KCNQ4: variants seen among roughly 807,000 people sequenced by gnomAD.
KCNQ4 encodes the protein potassium voltage-gated channel subfamily Q member 4.
A neutral mutation model predicts 72.6 loss-of-function variants in KCNQ4; 31 were observed. That is an observed-to-expected ratio of 0.43 (90% CI 0.32 to 0.58). KCNQ4 has a LOEUF of 0.58. Among genes scored for constraint, KCNQ4 ranks in the 20% least tolerant of loss-of-function variants. The pLI is 0.08. For missense variants in KCNQ4, 869 were observed against 962.6 expected (o/e 0.90, Z 1.29); for synonymous variants, 405 against 403.7 (o/e 1.00, Z -0.04).
At chr1:40,833,195 G>A (rs977723337) in intron 11 of KCNQ4, 82 bp downstream of exon 11, 6 of 1,028,902 alleles carry the variant, frequency 5.8e-6, no homozygotes, top group Non-Finnish European at 7.4e-6. Context: ...GATCACTTGA[G>A]GTCAGGAGTT....
In KCNQ4 at chr1:40,820,175, G is replaced by A. The variant is rs1308296992; in HGVS notation, c.956G>A (p.Gly319Asp). The A allele has an allele frequency of 6.2e-7, 1 of 1,608,146 alleles. No individual in the cohort carries two copies. ...SFFALPAGILGSGFALKVQEQ... is the reference protein window; with the variant it reads ...SFFALPAGILDSGFALKVQEQ... ...GCCCTATCCCTCTAGGGCATCCTAG[G>A]CTCCGGCTTTGCCCTGAAGGTCCAG... is the stretch of plus-strand genomic sequence containing the variant. The change falls in exon 7 of 14, where the codon GGC becomes GAC. Residue 319 changes from glycine to aspartate, a missense_variant. Around this residue, in one of 5 missense-constraint regions of KCNQ4, gnomAD observed 13 missense variants for 46.0 expected, o/e 0.28. Transcript: ENST00000347132.
Position 40,826,807 on chromosome 1 carries a change from G to A in KCNQ4, c.1292+2549G>A, listed in dbSNP as rs566547158. The stretch of plus-strand genomic sequence containing the variant: ...AAGGTGCATGTGCCTGCCGCCTGCC[G>A]TCTGCCTTGGGTGCCCAGTGAACCC... On this transcript the variant is annotated intron_variant, in intron 9 of 13. Coordinates refer to ENST00000347132, the MANE Select transcript of KCNQ4 (RefSeq NM_004700.4). 156 of 376,670 alleles carry A rather than the reference G, an allele frequency of 4.1e-4. 2 individuals carry two copies. The highest frequency in any genetic ancestry group is 2.7e-3 in the African/African-American group (132 of 48,122). The allele number at this position is 376,670 out of a possible 1,614,324, so 23.3% of individuals were successfully genotyped here.
chr1:40,787,086 G>A (rs561288741), intron 1 of KCNQ4, among the ~76,000 whole-genome samples: 1 of 152,168 alleles, frequency 6.6e-6, no homozygotes, highest in Non-Finnish European at 1.5e-5. Flanking sequence ...CAGCAGAAGA[G>A]CCTGCAAGAG....
At chr1:40,827,514 G>C (rs1648516784) in intron 9 of KCNQ4, among the ~76,000 whole-genome samples, 1 of 152,276 alleles carries the variant, frequency 6.6e-6, no homozygotes, top group Middle Eastern at 3.4e-3. Context: ...GGCAGAGCTG[G>C]GTCATGCAGA....
Position 40,838,577 on chromosome 1 carries a change from G to A in KCNQ4, c.*54G>A. ...GGCCAGCCCCGCGGCCTGGCGCTCC[G>A]ACTGCCCTCTGAGGCCTCCGGACTC... On this transcript the variant is annotated 3_prime_UTR_variant, in exon 14 of 14. Transcript: ENST00000347132. The A allele has an allele frequency of 6.5e-7, 1 of 1,538,996 alleles. No homozygotes were observed. The highest frequency in any genetic ancestry group is 9.0e-7 in the Non-Finnish European group (1 of 1,112,370).
intron 9 of KCNQ4, chr1:40,826,577 C>T: frequency 4.6e-6 from 2 of 433,570 alleles, no homozygotes; most frequent in Non-Finnish European, 9.6e-6. Context: ...CAGCTCCCCA[C>T]ACTCTGCCCA....
Position 40,822,342 on chromosome 1 carries a change from T to C in KCNQ4, c.1070T>C (p.Met357Thr), listed in dbSNP as rs764841987. The C allele has an allele frequency of 2.0e-5, 31 of 1,565,126 alleles. No individual in the cohort carries two copies. In the South Asian group the frequency reaches 2.8e-4, roughly 14 times the overall value. Reference protein sequence around the residue: ...QAAWRLYSTDMSRAYLTATWY... With the variant: ...QAAWRLYSTDTSRAYLTATWY... ...GCCTGGCGCCTGTACTCCACCGATA[T>C]GAGCCGGGCCTACCTGACAGCCACC... The change falls in exon 8 of 14, where the codon ATG becomes ACG. Residue 357 changes from methionine (M) to threonine (T), a missense_variant. This residue lies in a region of KCNQ4 where 480 missense variants were observed against 501.9 expected (regional missense o/e 0.96). Transcript: ENST00000347132.
At chr1:40,833,766 G>A (rs1648727121) in intron 11 of KCNQ4, among the ~76,000 whole-genome samples, 1 of 150,702 alleles carries the variant, frequency 6.6e-6, no homozygotes, top group South Asian at 2.1e-4. Context: ...GGAGGCTGAG[G>A]CAAGAGAATC....
rs1488421097 is a variant in KCNQ4 at position 40,787,391 on chromosome 1, A to T, written c.314+2984A>T. 2.0e-5 allele frequency among the ~76,000 whole-genome samples: 3 copies of T among 152,166 alleles called. No individual in the cohort carries two copies. The East Asian group carries it at 5.8e-4, about 29-fold the overall frequency. On this transcript the variant is annotated intron_variant, in intron 1 of 13. Coordinates refer to ENST00000347132, the MANE Select transcript of KCNQ4 (RefSeq NM_004700.4). Reference sequence around the variant, plus strand: ...CAATTAAAAAAGAGAGAGAAAGAGAAGGGCTCAGGAAGGAGGGAGCTGGGG... The same window carrying T: ...CAATTAAAAAAGAGAGAGAAAGAGATGGGCTCAGGAAGGAGGGAGCTGGGG...
At chr1:40,815,005 G>A (rs536188201) in intron 1 of KCNQ4, among the ~76,000 whole-genome samples, 25 of 152,230 alleles carry the variant, frequency 1.6e-4, no homozygotes, top group Non-Finnish European at 1.3e-4. Flanking sequence ...ACTTTGGGAG[G>A]CCGAGGCAGG....
chr1:40,835,037 A>G lies in KCNQ4; in HGVS notation c.1684A>G (p.Ile562Val). The G allele has an allele frequency of 6.2e-7, 1 of 1,614,162 alleles. No homozygotes were observed. Among genetic ancestry groups the G allele is most frequent in the Non-Finnish European group, 8.5e-7 (1 of 1,179,988 alleles). Residue 562 changes from isoleucine (I) to valine (V), a missense_variant, in exon 12 of 14, where the codon ATT (isoleucine) becomes GTT (valine). By Grantham distance (29) the Ile-to-Val change is conservative. Transcript: ENST00000347132. ...TLRPYDVKDV[I>V]EQYSAGHLDM... ...GCGACCGTACGACGTGAAGGACGTC[A>G]TTGAGCAGTACTCAGCAGGCCACCT...
intron 10 of KCNQ4, 108 bp downstream of exon 10, chr1:40,831,412 C>A (rs1648644218): frequency 6.8e-6 from 6 of 882,420 alleles, no homozygotes; most frequent in Middle Eastern, 4.6e-4. Flanking sequence ...AGCTCTGGAA[C>A]TGATGGACCG....
chr1:40,806,575 A>G (rs935110154), intron 1 of KCNQ4, among the ~76,000 whole-genome samples: 6 of 152,238 alleles, frequency 3.9e-5, no homozygotes, highest in African/African-American at 1.4e-4. Flanking sequence ...ACTGCCTTTC[A>G]TGTCCCGTGG....
In KCNQ4 at chr1:40,817,058, T is replaced by G. The variant is rs1648106611; in HGVS notation, c.315-207T>G. On this transcript the variant is annotated intron_variant, in intron 1 of 13. Coordinates refer to ENST00000347132, the MANE Select transcript of KCNQ4 (RefSeq NM_004700.4). The surrounding 1 kb of genome is among the most constrained non-coding windows in gnomAD (Gnocchi z 5.5). ...TGCAGCAGGGGGCAATTGAGATAGTTGTGAGGTCCAGTAGCTTGGGGCTTG... is the reference window on the plus strand; with the variant it reads ...TGCAGCAGGGGGCAATTGAGATAGTGGTGAGGTCCAGTAGCTTGGGGCTTG... 6.6e-6 allele frequency among the ~76,000 whole-genome samples: 1 copy of G among 152,240 alleles called. No homozygotes were observed. The highest frequency in any genetic ancestry group is 1.5e-5 in the Non-Finnish European group (1 of 68,038).
intron 12 of KCNQ4, among the ~76,000 whole-genome samples, chr1:40,836,796 T>A (rs1316324861): frequency 6.6e-6 from 1 of 152,120 alleles, no homozygotes; most frequent in Non-Finnish European, 1.5e-5. Context: ...CAGGAGTTGA[T>A]CAATGGATTT....
intron 9 of KCNQ4, among the ~76,000 whole-genome samples, chr1:40,824,465 G>A (rs1648416861): frequency 6.6e-6 from 1 of 152,160 alleles, no homozygotes; most frequent in African/African-American, 2.4e-5. Flanking sequence ...TTGTCCTGTG[G>A]GGCTCTGAGG....
At chr1:40,829,834 G>A (rs931349603) in intron 9 of KCNQ4, among the ~76,000 whole-genome samples, 2 of 152,132 alleles carry the variant, frequency 1.3e-5, no homozygotes, top group African/African-American at 4.8e-5. Flanking sequence ...GGGAGGCAGC[G>A]ATGACGTCAC....
chr1:40,835,127 G>A (rs1168431378), intron 12 of KCNQ4, 29 bp downstream of exon 12: 1 of 1,607,298 alleles, frequency 6.2e-7, no homozygotes, highest in Non-Finnish European at 8.5e-7. Flanking sequence ...TTGGGAGGCA[G>A]GGGCAGGGAG....
At chr1:40,795,153 A>G (rs1647376438) in intron 1 of KCNQ4, among the ~76,000 whole-genome samples, 1 of 151,646 alleles carries the variant, frequency 6.6e-6, no homozygotes, top group South Asian at 2.1e-4. Flanking sequence ...TAGAATGACA[A>G]TTGCCATCTG....
Sources: allele counts gnomAD v4.1 joint callset (sites outside exome capture counted in the v4.1 genomes callset), GRCh38; gene constraint gnomAD v4.1.1; regional missense constraint gnomAD v4.1.1; non-coding constraint Gnocchi (gnomAD v3.1); transcripts MANE v1.5; gene names NCBI Gene and HGNC (gene_info 2026-07-23, HGNC 2026-07-21).